Variants in ARVCF observed in about 807,000 individuals in gnomAD.
ARVCF encodes the protein splicing regulator ARVCF.
ARVCF carries 66 observed loss-of-function variants against 90.9 expected under a neutral mutation model. The observed-to-expected ratio is 0.73, with a 90% CI of 0.60 to 0.89. The LOEUF is 0.89. Among genes scored for constraint, ARVCF ranks in the 40% least tolerant of loss-of-function variants. The pLI, the probability that ARVCF is intolerant of heterozygous loss-of-function variation, is 0.00. For synonymous variants in ARVCF, 653 were observed against 603.4 expected (o/e 1.08, Z -1.21); for missense variants, 1,469 against 1,382.3 (o/e 1.06, Z -1.00).
rs1569178491 is a variant in ARVCF at position 19,990,628 on chromosome 22, C to T, written c.167G>A (p.Ser56Asn). The T allele has an allele frequency of 6.2e-7, 1 of 1,609,858 alleles. No individual in the cohort carries two copies. Among genetic ancestry groups the T allele is most frequent in the Non-Finnish European group, 8.5e-7 (1 of 1,178,944 alleles). The stretch of plus-strand genomic sequence containing the variant: ...CCAGGCCATTGGCAGGGGCTGCCCA[C>T]TGCCCATGCCACCACTGACCATGCC... ...QPGMVSGGMG[S>N]GQPLPMAWQQ... Residue 56 changes from serine (S) to asparagine (N), a missense_variant, in exon 3 of 20, where the codon AGT becomes AAT. By Grantham distance (46) the Ser-to-Asn change is conservative. Coordinates refer to ENST00000263207, the MANE Select transcript of ARVCF (RefSeq NM_001670.3).
rs553999690 is a variant in ARVCF at position 19,974,179 on chromosome 22, C to T, written c.2021G>A (p.Ser674Asn). 7.4e-6 allele frequency: 12 copies of T among 1,613,000 alleles called. No homozygotes were observed. The highest frequency in any genetic ancestry group is 6.6e-5 in the South Asian group (6 of 91,064). ...VRLYLSLLTESRNFNTLEAAA... is the reference protein window; with the variant it reads ...VRLYLSLLTENRNFNTLEAAA... ...AGCCTCCAGGGTGTTGAAGTTCCGG[C>T]TCTCCGTGAGGAGGGAGAGGTAGAG... Residue 674 changes from serine (S) to asparagine (N), a missense_variant, in exon 12 of 20, where the codon AGC (serine) becomes AAC (asparagine). Coordinates refer to ENST00000263207, the MANE Select transcript of ARVCF (RefSeq NM_001670.3).
At chr22:20,008,348 C>T (rs555792044) in intron 2 of ARVCF, among the ~76,000 whole-genome samples, 48 of 152,310 alleles carry the variant, frequency 3.2e-4, no homozygotes, top group Admixed American at 1.3e-3. Context: ...TCTGTGTCCC[C>T]GCCAGCCCTT....
intron 2 of ARVCF, among the ~76,000 whole-genome samples, chr22:20,007,834 C>T (rs556027705): frequency 6.6e-6 from 1 of 152,314 alleles, no homozygotes; most frequent in African/African-American, 2.4e-5. Flanking sequence ...CTTTGTTTTT[C>T]AGGAATTAGC....
chr22:20,009,056 G>C (rs1944736160), intron 2 of ARVCF, among the ~76,000 whole-genome samples: 1 of 152,136 alleles, frequency 6.6e-6, no homozygotes, highest in Non-Finnish European at 1.5e-5. Context: ...GCTGTCGTTT[G>C]GTGTCTGGCT....
chr22:19,982,144 A>T, intron 3 of ARVCF, 53 bp from the exon 4 acceptor site: 1 of 1,592,842 alleles, frequency 6.3e-7, no homozygotes, highest in East Asian at 2.2e-5. Context: ...TCACCCCTGG[A>T]GTGCAGGTCT....
Position 19,981,409 on chromosome 22 carries a change from C to T in ARVCF, c.698G>A (p.Arg233Gln), listed in dbSNP as rs201393981. The change falls in exon 5 of 20, where the codon CGG becomes CAG. Residue 233 changes from arginine (R) to glutamine (Q), a missense_variant. Physicochemically the swap from Arg to Gln is conservative, Grantham distance 43. Coordinates refer to ENST00000263207, the MANE Select transcript of ARVCF (RefSeq NM_001670.3). ...CTCAGGACCCACCGGGAAGGCTTCC[C>T]GGTGGCCAGGCAGTGTGAAGCAGCC... ...GDGCFTLPGH[R>Q]EAFPVGPEPG... 2.7e-5 allele frequency: 43 copies of T among 1,580,824 alleles called. No individual in the cohort carries two copies. In the African/African-American group the frequency reaches 3.1e-4, roughly 11 times the overall value.
chr22:19,999,674 T>A (rs1944377736), intron 2 of ARVCF, among the ~76,000 whole-genome samples: 1 of 152,140 alleles, frequency 6.6e-6, no homozygotes, highest in South Asian at 2.1e-4. Context: ...GAGAATTAAG[T>A]CTGGGCTGAC....
rs1048626960 is a variant in ARVCF at position 19,970,689 on chromosome 22, G to A, written c.*67C>T. On this transcript the variant is annotated 3_prime_UTR_variant, in exon 20 of 20. Transcript: ENST00000263207. ...CAAGCTCCACGGCACGATCTGCTCA[G>A]GGTGGCCCTTCTTCCACGATCCAAG... The A allele has an allele frequency of 7.8e-7, 1 of 1,287,894 alleles. No individual in the cohort carries two copies. The highest frequency in any genetic ancestry group is 1.0e-6 in the Non-Finnish European group (1 of 988,294). 79.8% of individuals were successfully genotyped at this position (1,287,894 alleles called of 1,614,324 possible).
At position 19,981,966 on chromosome 22, in the gene ARVCF, G is replaced by C. The variant is rs149763920; in HGVS notation, c.336C>G (p.Ser112=). Reference sequence around the variant, plus strand: ...CGGTGCGCCGGGTTGTGCCATCTTCGGATGTGACAATAGACACATGGGAAG... The same window carrying C: ...CGGTGCGCCGGGTTGTGCCATCTTCCGATGTGACAATAGACACATGGGAAG... ...TPTSHVSIVT[S]EDGTTRRTET... Residue 112 remains serine, a synonymous_variant, in exon 4 of 20, where the codon TCC becomes TCG. Transcript: ENST00000263207. The C allele has an allele frequency of 6.2e-7, 1 of 1,613,036 alleles. No individual in the cohort carries two copies. The highest frequency in any genetic ancestry group is 8.5e-7 in the Non-Finnish European group (1 of 1,179,922).
chr22:19,973,016 T>C lies in ARVCF; in HGVS notation c.2459A>G (p.Lys820Arg). The change falls in exon 15 of 20, where the codon AAG becomes AGG. Residue 820 changes from lysine (K) to arginine (R), a missense_variant. Coordinates refer to ENST00000263207, the MANE Select transcript of ARVCF (RefSeq NM_001670.3). ...VASSQSVREAKAASHVLQTVW... is the reference protein window; with the variant it reads ...VASSQSVREARAASHVLQTVW... Reference sequence around the variant, plus strand: ...TGTCTGCAGCACGTGTGACGCCGCCTTCGCTTCGCGTACCGATTGGCTGTG... The same window carrying C: ...TGTCTGCAGCACGTGTGACGCCGCCCTCGCTTCGCGTACCGATTGGCTGTG... 3 of 1,613,266 alleles carry C rather than the reference T, an allele frequency of 1.9e-6. No individual in the cohort carries two copies. The highest frequency in any genetic ancestry group is 2.5e-6 in the Non-Finnish European group (3 of 1,179,982).
chr22:19,970,474 C>A lies in ARVCF; in HGVS notation c.*282G>T. ...TCCCTGCCACCTCCCTGGGCCCTGC[C>A]CCAGCAGCCCAGTCGGCCTCCTCGG... On this transcript the variant is annotated 3_prime_UTR_variant, in exon 20 of 20. Coordinates refer to ENST00000263207, the MANE Select transcript of ARVCF (RefSeq NM_001670.3). The A allele has an allele frequency of 1.9e-6, 2 of 1,055,648 alleles. No homozygotes were observed. Among genetic ancestry groups the A allele is most frequent in the South Asian group, 2.5e-5 (1 of 40,770 alleles). 65.4% of individuals were successfully genotyped at this position (1,055,648 alleles called of 1,614,324 possible).
chr22:20,002,246 C>T (rs1306033819), intron 2 of ARVCF, among the ~76,000 whole-genome samples: 2 of 152,196 alleles, frequency 1.3e-5, no homozygotes, highest in South Asian at 2.1e-4. Context: ...CTCCTAAATG[C>T]GCTGTGTCCA....
At chr22:19,991,535 G>A (rs1157211238) in intron 2 of ARVCF, among the ~76,000 whole-genome samples, 2 of 152,256 alleles carry the variant, frequency 1.3e-5, no homozygotes, top group Admixed American at 1.3e-4. Flanking sequence ...GCCTGAAGTG[G>A]CTGGTGTGTG....
chr22:20,000,917 A>C (rs1944421479), intron 2 of ARVCF, among the ~76,000 whole-genome samples: 1 of 152,182 alleles, frequency 6.6e-6, no homozygotes, highest in East Asian at 1.9e-4. Context: ...TTGTTTATAA[A>C]GGACTCCATC....
In ARVCF at chr22:19,978,087, A is replaced by G. The variant is rs761151616; in HGVS notation, c.1581-12T>C. On this transcript the variant is annotated splice_polypyrimidine_tract_variant and intron_variant, in intron 7 of 19. Transcript: ENST00000263207. ...CGGAGCTCACATTCCTGTGTGGCCA[A>G]GAGCAGGCCAGGTGACCCCTGGCTA... 6.3e-7 allele frequency: 1 copy of G among 1,591,860 alleles called. No homozygotes were observed. Among genetic ancestry groups the G allele is most frequent in the Non-Finnish European group, 8.6e-7 (1 of 1,168,640 alleles).
At chr22:19,970,837 C>T (rs1942720086) in intron 19 of ARVCF, 94 bp from the exon 20 acceptor site, 2 of 1,267,978 alleles carry the variant, frequency 1.6e-6, no homozygotes, top group South Asian at 1.3e-5. Context: ...CCACAGGCTA[C>T]ATGGATGGAG....
In ARVCF at chr22:19,981,914, T is replaced by C. The variant is rs751439635; in HGVS notation, c.369+19A>G. On this transcript the variant is annotated intron_variant, in intron 4 of 19. Coordinates refer to ENST00000263207, the MANE Select transcript of ARVCF (RefSeq NM_001670.3). ...AGCCTGGCCCTGCTCACCCACCCAC[T>C]GCCTGGGCCTGGCCATACCTTGGTC... 10 of 1,609,170 alleles carry C rather than the reference T, an allele frequency of 6.2e-6. No homozygotes were observed. In the East Asian group the frequency reaches 6.7e-5, roughly 11 times the overall value.
At chr22:19,967,999 A>C (rs1217099144), downstream of ARVCF, among the ~76,000 whole-genome samples, 1 of 152,174 alleles carries the variant, frequency 6.6e-6, no homozygotes, top group Non-Finnish European at 1.5e-5. Flanking sequence ...GGCACTGGTG[A>C]AGATGGGGGG....
chr22:19,987,042 C>G, intron 3 of ARVCF: 2 of 655,550 alleles, frequency 3.1e-6, no homozygotes. Flanking sequence ...GACCCCGGGC[C>G]AGGGTCCCCC....
Sources: allele counts gnomAD v4.1 joint callset (sites outside exome capture counted in the v4.1 genomes callset), GRCh38; gene constraint gnomAD v4.1.1; transcripts MANE v1.5; gene names NCBI Gene and HGNC (gene_info 2026-07-23, HGNC 2026-07-21).